The following RSRC1 variants were observed in gnomAD, a reference collection of about 807,000 sequenced individuals.
The protein encoded by RSRC1 is serine/Arginine-related protein 53.
In RSRC1, 39 loss-of-function variants were observed where a neutral mutation model predicts 49.1. The observed-to-expected ratio is 0.79, with a 90% CI of 0.61 to 1.04. The LOEUF (loss-of-function observed/expected upper bound fraction) is 1.04, where lower values mean the gene tolerates loss of function less well. Ranked by LOEUF, RSRC1 falls within the 50% of genes least tolerant of loss-of-function variation. The pLI is 0.00. For missense variants in RSRC1, 388 were observed against 402.4 expected, an observed-to-expected ratio of 0.96 and a Z score of 0.31; for synonymous variants, 143 against 130.8, an observed-to-expected ratio of 1.09 and a Z score of -0.63.
chr3:158,426,846 G>T (rs1735475244), intron 6 of RSRC1, among the ~76,000 whole-genome samples: 3 of 151,714 alleles, frequency 2.0e-5, no homozygotes, highest in Admixed American at 6.6e-5. Flanking sequence ...AGGAATGGGG[G>T]TTAGCCTAGC....
chr3:158,515,005 G>A (rs1258964632), intron 7 of RSRC1, among the ~76,000 whole-genome samples: 1 of 151,466 alleles, frequency 6.6e-6, no homozygotes, highest in Non-Finnish European at 1.5e-5. Context: ...TTGAGCCTAT[G>A]TGTGTCTCTG....
chr3:158,507,489 C>A (rs1265682737), intron 7 of RSRC1, among the ~76,000 whole-genome samples: 2 of 151,812 alleles, frequency 1.3e-5, no homozygotes, highest in Non-Finnish European at 2.9e-5. Context: ...AGCACAGGTA[C>A]CCCAAAATAT....
chr3:158,374,615 C>A (rs1426933529), intron 6 of RSRC1, among the ~76,000 whole-genome samples: 1 of 152,110 alleles, frequency 6.6e-6, no homozygotes, highest in Non-Finnish European at 1.5e-5. Context: ...CTGTACAGTA[C>A]ATTTAATATA....
Position 158,181,962 on chromosome 3 carries a change from C to T in RSRC1, c.321-21110C>T, listed in dbSNP as rs140940880. ...TGCCCTTGCAGAGCTTACATTCTAA[C>T]AAGGAGGATAGTCAATGAACAACAA... On this transcript the variant is annotated intron_variant, in intron 3 of 9. Transcript: ENST00000611884. 5.4e-3 allele frequency among the ~76,000 whole-genome samples: 817 copies of T among 152,092 alleles called. 3 individuals are homozygous for T. Among genetic ancestry groups the T allele is most frequent in the Middle Eastern group, 0.01 (3 of 294 alleles).
intron 3 of RSRC1, among the ~76,000 whole-genome samples, chr3:158,147,342 T>A (rs1354671733): frequency 6.6e-6 from 1 of 151,820 alleles, no homozygotes; most frequent in Admixed American, 6.6e-5. Context: ...CTGGGCTCAA[T>A]TGATCCTCTC....
At chr3:158,328,371 C>T (rs1286121164) in intron 5 of RSRC1, among the ~76,000 whole-genome samples, 2 of 152,024 alleles carry the variant, frequency 1.3e-5, no homozygotes, top group Non-Finnish European at 2.9e-5. Context: ...TGGCTGGTAC[C>T]GGTAGTTTCT....
intron 5 of RSRC1, among the ~76,000 whole-genome samples, chr3:158,320,653 A>G (rs827118): frequency 0.58 from 87,529 of 151,856 alleles, 25,559 homozygotes; most frequent in East Asian, 0.74. Context: ...TGAAAATTAT[A>G]AATTCATAGA....
At chr3:158,171,653 T>G (rs1718887823) in intron 3 of RSRC1, among the ~76,000 whole-genome samples, 1 of 151,978 alleles carries the variant, frequency 6.6e-6, no homozygotes, top group South Asian at 2.1e-4. Flanking sequence ...GGAGTAAACC[T>G]GAAGATAGAT....
intron 3 of RSRC1, among the ~76,000 whole-genome samples, chr3:158,158,804 T>C (rs942291974): frequency 1.3e-5 from 2 of 151,992 alleles, no homozygotes; most frequent in Non-Finnish European, 2.9e-5. Context: ...CCAGGCCTGG[T>C]GGCCTGTGCC....
rs762046279 is a variant in RSRC1 at position 158,122,250 on chromosome 3, G to C, written c.146G>C (p.Arg49Thr). ...GGAAGGAAATCAAGATCAAAGTCAA[G>C]ATCTTGGTCCAGAGATCTTCAGCCT... ...KGGRKSRSKSRSWSRDLQPRS... is the reference protein window; with the variant it reads ...KGGRKSRSKSTSWSRDLQPRS... Residue 49 changes from arginine to threonine, a missense_variant, in exon 2 of 10, where the codon AGA becomes ACA. Transcript: ENST00000611884. The C allele has an allele frequency of 3.7e-6, 6 of 1,602,572 alleles. 1 individual carries two copies. Among genetic ancestry groups the C allele is most frequent in the African/African-American group, 2.7e-5 (2 of 74,088 alleles).
At chr3:158,454,824 A>C (rs1737229248) in intron 6 of RSRC1, among the ~76,000 whole-genome samples, 1 of 152,036 alleles carries the variant, frequency 6.6e-6, no homozygotes, top group African/African-American at 2.4e-5. Context: ...ATTTCAATTC[A>C]TTGTGCCCTG....
At chr3:158,367,349 G>T (rs1266805791) in intron 6 of RSRC1, among the ~76,000 whole-genome samples, 1 of 152,066 alleles carries the variant, frequency 6.6e-6, no homozygotes, top group East Asian at 1.9e-4. Context: ...GCATGAAGGG[G>T]TGTTGAATTG....
intron 6 of RSRC1, among the ~76,000 whole-genome samples, chr3:158,444,754 C>G (rs1035303317): frequency 2.6e-5 from 4 of 152,112 alleles, no homozygotes; most frequent in African/African-American, 9.7e-5. Flanking sequence ...TTGCAATCTA[C>G]TCATCTGACA....
At chr3:158,474,166 T>C (rs894778419) in intron 7 of RSRC1, among the ~76,000 whole-genome samples, 2 of 152,154 alleles carry the variant, frequency 1.3e-5, no homozygotes, top group Admixed American at 1.3e-4. Flanking sequence ...GGCTTCATGA[T>C]GATTTAAAAT....
intron 7 of RSRC1, among the ~76,000 whole-genome samples, chr3:158,466,182 A>G (rs1161189257): frequency 6.6e-6 from 1 of 152,160 alleles, no homozygotes; most frequent in Non-Finnish European, 1.5e-5. Flanking sequence ...TTAACCAAGC[A>G]AGGAATCCTT....
intron 1 of RSRC1, among the ~76,000 whole-genome samples, chr3:158,118,323 T>C (rs1399816674): frequency 2.0e-5 from 3 of 151,972 alleles, no homozygotes; most frequent in African/African-American, 7.3e-5. Context: ...CAGTCATATC[T>C]TTTGGACTCA....
chr3:158,361,819 T>A (rs921359915), intron 6 of RSRC1, among the ~76,000 whole-genome samples: 1 of 152,126 alleles, frequency 6.6e-6, no homozygotes, highest in African/African-American at 2.4e-5. Context: ...TCTTTCTTCC[T>A]TTTCCCCCTC....
In RSRC1 at chr3:158,229,338, A is replaced by ATG. The variant is rs1203320890; in HGVS notation, c.494+26095_494+26096dup. Among the ~76,000 whole-genome samples the ATG allele has an allele frequency of 2.8e-5, 4 of 142,336 alleles. No individual in the cohort carries two copies. In the East Asian group the frequency reaches 6.1e-4, roughly 22 times the overall value. 93.4% of individuals were successfully genotyped at this position (142,336 alleles called of 152,430 possible). A position where few individuals can be genotyped will look rare whatever the true frequency, so the allele number is the denominator to read the frequency against. On this transcript the variant is annotated intron_variant, in intron 4 of 9. Coordinates refer to ENST00000611884, the MANE Select transcript of RSRC1 (RefSeq NM_001271838.2). ...TATAAACATACACAGGTATATGTGT[A>ATG]TGTATGTATATATATACACATATAC...
intron 6 of RSRC1, among the ~76,000 whole-genome samples, chr3:158,410,666 TC>T (rs1238043536): frequency 6.6e-6 from 1 of 152,168 alleles, no homozygotes; most frequent in Non-Finnish European, 1.5e-5. Flanking sequence ...CTATCATCTA[TC>T]TTTGTAAAAA....
Sources: allele counts gnomAD v4.1 joint callset (sites outside exome capture counted in the v4.1 genomes callset), GRCh38; gene constraint gnomAD v4.1.1; transcripts MANE v1.5; gene names NCBI Gene and HGNC (gene_info 2026-07-23, HGNC 2026-07-21).